The following PCDHGB1 variants were observed in gnomAD, a reference collection of about 807,000 sequenced individuals.
PCDHGB1 encodes protocadherin gamma-B1.
A neutral mutation model predicts 56.6 loss-of-function variants in PCDHGB1; 34 were observed. That is an observed-to-expected ratio of 0.60 (90% CI 0.46 to 0.80). The LOEUF (loss-of-function observed/expected upper bound fraction) is 0.80. PCDHGB1 is among the 30% of genes least tolerant of loss of function. The pLI, the probability that PCDHGB1 is intolerant of heterozygous loss-of-function variation, is 0.00. For missense variants in PCDHGB1, 1,278 were observed against 1,204.6 expected (o/e 1.06, Z -0.90); for synonymous variants, 561 against 505.9 (o/e 1.11, Z -1.46).
intron 1 of PCDHGB1, chr5:141,371,522 T>C: frequency 3.1e-6 from 5 of 1,613,848 alleles, no homozygotes; most frequent in Non-Finnish European, 4.2e-6. Context: ...ATCTAGATTC[T>C]GGATTTAATG....
At chr5:141,399,609 T>C in intron 1 of PCDHGB1, 2 of 1,613,918 alleles carry the variant, frequency 1.2e-6, no homozygotes, top group Non-Finnish European at 1.7e-6. Flanking sequence ...ACCTAGAGCC[T>C]CTGGCACTGG....
chr5:141,460,681 A>G (rs2098995379), intron 1 of PCDHGB1, among the ~76,000 whole-genome samples: 1 of 152,134 alleles, frequency 6.6e-6, no homozygotes, highest in African/African-American at 2.4e-5. Context: ...ATATATCTAT[A>G]TATCCACCAA....
At position 141,352,535 on chromosome 5, in the gene PCDHGB1, A is replaced by G. The variant is rs562907708; in HGVS notation, c.2275A>G (p.Thr759Ala). 1.3e-4 allele frequency: 206 copies of G among 1,613,846 alleles called. No individual in the cohort carries two copies. The highest frequency in any genetic ancestry group is 5.3e-4 in the Admixed American group (32 of 59,996). Reference sequence around the variant, plus strand: ...ATGTATTGCCTCTCATTCTGCAAAGACAGAGTTTAATTCTCTCAACCTGAC... The same window carrying G: ...ATGTATTGCCTCTCATTCTGCAAAGGCAGAGTTTAATTCTCTCAACCTGAC... ...NLCIASHSAK[T>A]EFNSLNLTPE... is the part of the protein sequence containing the mutation. Residue 759 changes from threonine to alanine, a missense_variant, in exon 1 of 4, where the codon ACA becomes GCA. Physicochemically the swap from Thr to Ala is moderately conservative, Grantham distance 58. Transcript: ENST00000523390.
Position 141,432,059 on chromosome 5 carries a change from A to T in PCDHGB1, c.2410-62748A>T. On this transcript the variant is annotated intron_variant, in intron 1 of 3. Transcript: ENST00000523390. This position sits in a 1 kb window ranked among gnomAD's most constrained non-coding sequence, Gnocchi z 6.0. ...TGACCGGGGAACCCCGCCCCTATCC[A>T]CGGAAACTCATATCTCGCTGAACGT... The T allele has an allele frequency of 6.2e-7, 1 of 1,614,170 alleles. No homozygotes were observed. Among genetic ancestry groups the T allele is most frequent in the Non-Finnish European group, 8.5e-7 (1 of 1,180,030 alleles).
chr5:141,428,108 G>C (rs771684309), intron 1 of PCDHGB1: 6 of 1,608,094 alleles, frequency 3.7e-6, no homozygotes, highest in Admixed American at 1.7e-5. Context: ...ACGTGCTGCA[G>C]GCCATCGAGC....
intron 1 of PCDHGB1, chr5:141,370,507 C>G: frequency 1.2e-6 from 2 of 1,613,920 alleles, no homozygotes; most frequent in Non-Finnish European, 1.7e-6. Context: ...TACGCTATTC[C>G]CGAGGAGCTG....
intron 1 of PCDHGB1, chr5:141,478,489 C>G (rs779457709): frequency 5.6e-6 from 9 of 1,613,162 alleles, no homozygotes; most frequent in Middle Eastern, 1.6e-4. Flanking sequence ...CGCTGCGGAG[C>G]TGTGATCCGG....
At chr5:141,452,201 T>G (rs552947721) in intron 1 of PCDHGB1, among the ~76,000 whole-genome samples, 131 of 152,376 alleles carry the variant, frequency 8.6e-4, no homozygotes, top group Middle Eastern at 6.8e-3. Context: ...TTGTTTTAGA[T>G]GTTACCAATA....
chr5:141,392,931 G>T, intron 1 of PCDHGB1: 1 of 1,613,920 alleles, frequency 6.2e-7, no homozygotes, highest in Non-Finnish European at 8.5e-7. Context: ...AGAAGAGACG[G>T]ACAAAGGCTC....
At chr5:141,427,470 G>A (rs765970767) in intron 1 of PCDHGB1, 8 of 509,992 alleles carry the variant, frequency 1.6e-5, no homozygotes, top group African/African-American at 7.7e-5. Flanking sequence ...CGAATCTTCC[G>A]CCAATAATGA....
At chr5:141,417,706 A>T in intron 1 of PCDHGB1, 1 of 1,214,910 alleles carries the variant, frequency 8.2e-7, no homozygotes, top group Non-Finnish European at 1.1e-6. Flanking sequence ...TCCCACACAG[A>T]GGCTCCCGGC....
At chr5:141,367,544 A>G (rs976258516) in intron 1 of PCDHGB1, 78 of 146,054 alleles carry the variant, frequency 5.3e-4, no homozygotes, top group African/African-American at 1.8e-3. Context: ...CTCAAAATAA[A>G]TAAATAAATA....
Position 141,436,047 on chromosome 5 carries a change from T to G in PCDHGB1, c.2410-58760T>G, listed in dbSNP as rs141900903. On this transcript the variant is annotated intron_variant, in intron 1 of 3. Transcript: ENST00000523390. ...ATACTAAATTTGTATTTACATTAGT[T>G]TTCAAATAGAATTTAATAAGTACAG... is the stretch of plus-strand genomic sequence containing the variant. Among the ~76,000 whole-genome samples the G allele has an allele frequency of 1.0e-2, 1,517 of 152,280 alleles. 31 individuals carry two copies. The highest frequency in any genetic ancestry group is 0.034 in the African/African-American group (1,420 of 41,552).
intron 1 of PCDHGB1, chr5:141,428,211 C>T (rs777952475): frequency 2.2e-5 from 28 of 1,284,198 alleles, no homozygotes; most frequent in South Asian, 4.9e-5. Flanking sequence ...CTACGCTTCA[C>T]CTAGTCTTCG....
At chr5:141,430,729 G>T in intron 1 of PCDHGB1, 1 of 1,499,360 alleles carries the variant, frequency 6.7e-7, no homozygotes, top group East Asian at 2.3e-5. Flanking sequence ...GTTAAGGGCA[G>T]AATTGAAAAT....
intron 1 of PCDHGB1, chr5:141,415,772 T>TTC: frequency 7.5e-7 from 1 of 1,332,986 alleles, no homozygotes; most frequent in Non-Finnish European, 9.6e-7. Flanking sequence ...TTTTTTTTTT[T>TTC]ACTTTCTGGT....
Position 141,511,995 on chromosome 5 carries a change from A to G in PCDHGB1, c.*822A>G, listed in dbSNP as rs1049905198. The G allele has an allele frequency of 1.3e-5, 2 of 153,074 alleles. No homozygotes were observed. The highest frequency in any genetic ancestry group is 4.8e-5 in the African/African-American group (2 of 41,464). The allele number at this position is 153,074 out of a possible 1,614,324, so 9.5% of individuals were successfully genotyped here. On this transcript the variant is annotated 3_prime_UTR_variant, in exon 4 of 4. Transcript: ENST00000523390. The stretch of plus-strand genomic sequence containing the variant: ...GGATGTGGATGGTGGGGGCATGGAC[A>G]AAGCTTGACACATCAAGTTATCAAG...
intron 1 of PCDHGB1, chr5:141,478,942 C>G: frequency 1.7e-6 from 1 of 579,218 alleles, no homozygotes; most frequent in Non-Finnish European, 2.9e-6. Context: ...TCTAGGAATA[C>G]AAAAACTACC....
At chr5:141,378,114 A>T (rs1024564517) in intron 1 of PCDHGB1, 1 of 152,284 alleles carries the variant, frequency 6.6e-6, no homozygotes, top group African/African-American at 2.4e-5. Flanking sequence ...CAGCATAGTG[A>T]ACACGTATTT....
Sources: allele counts gnomAD v4.1 joint callset (sites outside exome capture counted in the v4.1 genomes callset), GRCh38; gene constraint gnomAD v4.1.1; non-coding constraint Gnocchi (gnomAD v3.1); transcripts MANE v1.5; gene names NCBI Gene and HGNC (gene_info 2026-07-23, HGNC 2026-07-21).